SNTG2: variants seen among roughly 807,000 people sequenced by gnomAD.
SNTG2 encodes syntrophin gamma 2, also known as gamma-2-syntrophin.
Under a neutral mutation model 70.9 loss-of-function variants are expected in SNTG2, and 74 were observed. That is an observed-to-expected ratio of 1.04 (90% confidence interval 0.86 to 1.27). The LOEUF (loss-of-function observed/expected upper bound fraction) is 1.27, where lower values mean the gene tolerates loss of function less well. Among genes scored for constraint, SNTG2 ranks in the 50% most tolerant of loss-of-function variants. The pLI is 0.00. For synonymous variants in SNTG2, 278 were observed against 273.8 expected, an observed-to-expected ratio of 1.02 and a Z score of -0.15; for missense variants, 717 against 690.7, an observed-to-expected ratio of 1.04 and a Z score of -0.43.
At chr2:1,152,366 C>T (rs1272091916) in intron 6 of SNTG2, among the ~76,000 whole-genome samples, 1 of 152,230 alleles carries the variant, frequency 6.6e-6, no homozygotes, top group Non-Finnish European at 1.5e-5. Flanking sequence ...TGTTTGTGCA[C>T]ATGCATGTAC....
chr2:1,230,804 C>T (rs966894163), intron 9 of SNTG2, among the ~76,000 whole-genome samples: 1 of 152,244 alleles, frequency 6.6e-6, no homozygotes, highest in African/African-American at 2.4e-5. Context: ...GTCCTGTACC[C>T]TGTGCAGTTG....
chr2:1,110,056 C>T (rs1397729699), intron 4 of SNTG2, among the ~76,000 whole-genome samples: 4 of 152,134 alleles, frequency 2.6e-5, no homozygotes, highest in African/African-American at 9.7e-5. Flanking sequence ...AAGATGTTGA[C>T]ACAGAACGAC....
At chr2:1,355,334 G>A (rs1660791914) in intron 16 of SNTG2, among the ~76,000 whole-genome samples, 1 of 152,154 alleles carries the variant, frequency 6.6e-6, no homozygotes. Context: ...CTGCACCCGT[G>A]GAACGGCAAC....
intron 14 of SNTG2, among the ~76,000 whole-genome samples, chr2:1,303,819 A>C (rs1285124653): frequency 6.6e-6 from 1 of 152,242 alleles, no homozygotes; most frequent in African/African-American, 2.4e-5. Flanking sequence ...AGGATAATGA[A>C]AATACAATGA....
chr2:1,207,007 C>A (rs1457965012), intron 8 of SNTG2, among the ~76,000 whole-genome samples: 13 of 152,148 alleles, frequency 8.5e-5, no homozygotes, highest in Admixed American at 8.5e-4. Flanking sequence ...CTAGGATGAA[C>A]TCCTATGGCA....
chr2:1,337,886 A>G (rs1052770472), intron 16 of SNTG2, among the ~76,000 whole-genome samples: 2 of 152,194 alleles, frequency 1.3e-5, no homozygotes, highest in Non-Finnish European at 2.9e-5. Flanking sequence ...TATATATGGT[A>G]TAAGGTAAGA....
chr2:1,169,311 C>T (rs980664930), intron 7 of SNTG2, among the ~76,000 whole-genome samples: 6 of 152,042 alleles, frequency 3.9e-5, no homozygotes, highest in Non-Finnish European at 7.4e-5. Flanking sequence ...GGGTGGGAGG[C>T]AGAGGACACT....
chr2:1,289,940 A>T (rs1056090686), intron 14 of SNTG2, among the ~76,000 whole-genome samples: 1 of 152,222 alleles, frequency 6.6e-6, no homozygotes, highest in African/African-American at 2.4e-5. Flanking sequence ...TTTCAAGGTC[A>T]TCCCTGTTGT....
chr2:1,196,014 CTT>C (rs376754650), intron 8 of SNTG2, among the ~76,000 whole-genome samples: 1 of 151,828 alleles, frequency 6.6e-6, no homozygotes, highest in Non-Finnish European at 1.5e-5. Flanking sequence ...AGTTTGGAAT[CTT>C]TTTTTTGTGT....
At chr2:960,942 C>T (rs1024917217) in intron 1 of SNTG2, among the ~76,000 whole-genome samples, 3 of 152,240 alleles carry the variant, frequency 2.0e-5, no homozygotes, top group African/African-American at 7.2e-5. Context: ...CAGGGCACAG[C>T]CCCTGGTTTG....
At chr2:1,176,437 C>T (rs913342484) in intron 8 of SNTG2, among the ~76,000 whole-genome samples, 8 of 73,772 alleles carry the variant, frequency 1.1e-4, no homozygotes, top group Non-Finnish European at 2.0e-4. Context: ...TGCACATGTA[C>T]CCCTGAACCT....
intron 6 of SNTG2, among the ~76,000 whole-genome samples, 192 bp downstream of exon 6, chr2:1,138,001 C>T (rs1668506680): frequency 6.6e-6 from 1 of 152,172 alleles, no homozygotes; most frequent in African/African-American, 2.4e-5. Flanking sequence ...TGTGTGCTGA[C>T]TGGGGCACTT....
chr2:965,588 C>A (rs1321995320), intron 1 of SNTG2, among the ~76,000 whole-genome samples: 1 of 151,900 alleles, frequency 6.6e-6, no homozygotes, highest in Non-Finnish European at 1.5e-5. Flanking sequence ...CCTCTGTGGC[C>A]CCCTCCTCCT....
chr2:1,357,220 G>A (rs1007113780), intron 16 of SNTG2, among the ~76,000 whole-genome samples: 10 of 152,096 alleles, frequency 6.6e-5, no homozygotes, highest in African/African-American at 2.2e-4. Context: ...GGCAAAAGTG[G>A]GCATAATCTT....
intron 8 of SNTG2, among the ~76,000 whole-genome samples, chr2:1,183,537 G>T (rs1469869854): frequency 2.0e-5 from 3 of 152,156 alleles, no homozygotes; most frequent in Non-Finnish European, 4.4e-5. Context: ...CACCAGTAAG[G>T]CTGGACAGAT....
chr2:1,109,216 G>A (rs928221585), intron 4 of SNTG2, among the ~76,000 whole-genome samples: 2 of 152,036 alleles, frequency 1.3e-5, no homozygotes, highest in Non-Finnish European at 2.9e-5. Flanking sequence ...CCCTAACAGT[G>A]GTTTGCTCTC....
chr2:1,307,944 CCTT>C (rs554080113), intron 14 of SNTG2, among the ~76,000 whole-genome samples: 73 of 152,348 alleles, frequency 4.8e-4, no homozygotes, highest in Non-Finnish European at 7.5e-4. Flanking sequence ...AGACTGCAGA[CCTT>C]CTCGCACCGT....
intron 1 of SNTG2, among the ~76,000 whole-genome samples, chr2:1,057,100 T>G (rs1032655100): frequency 6.6e-6 from 1 of 151,968 alleles, no homozygotes; most frequent in Admixed American, 6.5e-5. Flanking sequence ...GCTTGGGAGC[T>G]GGGGCCAGGC....
At chr2:982,302 C>T (rs895716498) in intron 1 of SNTG2, among the ~76,000 whole-genome samples, 2 of 152,074 alleles carry the variant, frequency 1.3e-5, no homozygotes, top group African/African-American at 2.4e-5. Flanking sequence ...TTACAGTTAC[C>T]AGTTAGAGGA....
Sources: gnomAD v4.1 joint callset for allele counts (sites outside exome capture counted in the v4.1 genomes callset) on GRCh38, gnomAD v4.1.1 for gene constraint, MANE v1.5 for transcripts, NCBI Gene and HGNC (gene_info 2026-07-23, HGNC 2026-07-21) for gene names.